CSMD1: variants seen among roughly 807,000 people sequenced by gnomAD.
CSMD1 encodes the protein CUB and Sushi multiple domains 1, also known as CUB and sushi domain-containing protein 1.
Under a neutral mutation model 417.5 loss-of-function variants are expected in CSMD1, and 213 were observed. The ratio of observed to expected loss-of-function variants is 0.51; its 90% CI spans 0.46 to 0.57. CSMD1 has a LOEUF of 0.57. Ranked by LOEUF, CSMD1 falls within the 20% of genes least tolerant of loss-of-function variation. CSMD1 has a pLI of 0.00. For synonymous variants in CSMD1, 2,862 were observed against 1,736.8 expected, an observed-to-expected ratio of 1.65 and a Z score of -16.11; for missense variants, 6,923 against 4,529.7, an observed-to-expected ratio of 1.53 and a Z score of -15.17.
At chr8:3,473,600 G>A (rs554058924) in intron 11 of CSMD1, among the ~76,000 whole-genome samples, 26 of 152,072 alleles carry the variant, frequency 1.7e-4, no homozygotes, top group Non-Finnish European at 3.4e-4. Flanking sequence ...GTTTGAAACA[G>A]GATTTTCAAA....
At chr8:4,223,459 C>A (rs1427169680) in intron 3 of CSMD1, among the ~76,000 whole-genome samples, 1 of 152,230 alleles carries the variant, frequency 6.6e-6, no homozygotes, top group Admixed American at 6.5e-5. Flanking sequence ...CTGGCCCAGA[C>A]CATGCCATGG....
intron 1 of CSMD1, among the ~76,000 whole-genome samples, chr8:4,876,229 G>C (rs575415241): frequency 5.6e-4 from 85 of 152,126 alleles, no homozygotes; most frequent in African/African-American, 1.7e-3. Flanking sequence ...CAGTCTTTCA[G>C]TAATCTGCTA....
chr8:4,164,494 C>A (rs58126187), intron 3 of CSMD1, among the ~76,000 whole-genome samples: 58,501 of 151,378 alleles, frequency 0.39, 11,472 homozygotes, highest in Middle Eastern at 0.5. Context: ...AAACGCAATG[C>A]CAGCTAATCC....
intron 49 of CSMD1, among the ~76,000 whole-genome samples, chr8:3,084,619 AC>A (rs1340258389): frequency 6.6e-6 from 1 of 151,988 alleles, no homozygotes; most frequent in Non-Finnish European, 1.5e-5. Flanking sequence ...GTTGCACACT[AC>A]AAAAATCACA....
At chr8:4,990,345 T>G (rs377231479) in intron 1 of CSMD1, among the ~76,000 whole-genome samples, 21 of 146,550 alleles carry the variant, frequency 1.4e-4, no homozygotes, top group African/African-American at 5.5e-4. Flanking sequence ...TACAGAGATA[T>G]TAACTTCATT....
At chr8:4,925,582 T>G (rs889047367) in intron 1 of CSMD1, among the ~76,000 whole-genome samples, 4 of 151,692 alleles carry the variant, frequency 2.6e-5, no homozygotes, top group African/African-American at 9.7e-5. Flanking sequence ...AGTCTCGCTC[T>G]GTCTCCCAGG....
rs149350474 is a variant in CSMD1, at chr8:4,910,666, G to C, written c.85+83666C>G. The stretch of plus-strand genomic sequence containing the variant: ...GATTAGATTTTAACATATTAATTTT[G>C]AAGGGGGCACAAACATTCAGTCATA... On this transcript the variant is annotated intron_variant, in intron 1 of 69. Coordinates refer to ENST00000635120, the MANE Select transcript of CSMD1 (RefSeq NM_033225.6). Among the ~76,000 whole-genome samples the C allele has an allele frequency of 5.6e-3, 852 of 152,252 alleles. 2 individuals carry two copies. The highest frequency in any genetic ancestry group is 0.014 in the Middle Eastern group (4 of 294).
chr8:3,270,086 G>C (rs975070645), intron 26 of CSMD1, among the ~76,000 whole-genome samples: 4 of 121,474 alleles, frequency 3.3e-5, no homozygotes, highest in African/African-American at 1.3e-4. Context: ...GTCTTGCTCT[G>C]TTGCCCAGGG....
At chr8:3,941,712 T>G (rs1810896331) in intron 5 of CSMD1, among the ~76,000 whole-genome samples, 1 of 152,148 alleles carries the variant, frequency 6.6e-6, no homozygotes, top group Admixed American at 6.6e-5. Flanking sequence ...CAGATGTTAT[T>G]TATTTATTTT....
At chr8:4,808,041 G>T (rs1048832082) in intron 1 of CSMD1, among the ~76,000 whole-genome samples, 5 of 152,158 alleles carry the variant, frequency 3.3e-5, no homozygotes, top group African/African-American at 1.2e-4. Flanking sequence ...TAGCACATCT[G>T]GTTGACTTTT....
At chr8:4,194,757 T>C (rs73658467) in intron 3 of CSMD1, among the ~76,000 whole-genome samples, 4,382 of 152,248 alleles carry the variant, frequency 0.029, 247 homozygotes, top group African/African-American at 0.099. Context: ...TAAACATTTT[T>C]TTTAACACAT....
chr8:2,960,880 G>C (rs957122895), intron 62 of CSMD1, among the ~76,000 whole-genome samples: 1 of 145,666 alleles, frequency 6.9e-6, no homozygotes, highest in East Asian at 2.1e-4. Flanking sequence ...TAATGTAATA[G>C]TTGCTATGTT....
chr8:4,322,007 C>G (rs553246557), intron 3 of CSMD1, among the ~76,000 whole-genome samples: 2 of 151,978 alleles, frequency 1.3e-5, no homozygotes, highest in South Asian at 2.1e-4. Flanking sequence ...AGAAGAAAAT[C>G]AAAAAAGCTA....
intron 3 of CSMD1, among the ~76,000 whole-genome samples, chr8:4,225,171 C>T (rs946009715): frequency 6.6e-5 from 10 of 152,152 alleles, no homozygotes; most frequent in Non-Finnish European, 1.2e-4. Context: ...CTTCATTGTA[C>T]TATTTCAGGA....
chr8:4,740,259 T>G (rs1311160397), intron 1 of CSMD1, among the ~76,000 whole-genome samples: 1 of 152,220 alleles, frequency 6.6e-6, no homozygotes, highest in Non-Finnish European at 1.5e-5. Flanking sequence ...GACATAATAA[T>G]ATTAGTAATA....
At chr8:3,168,845 T>G (rs975650891) in intron 37 of CSMD1, among the ~76,000 whole-genome samples, 2 of 152,098 alleles carry the variant, frequency 1.3e-5, no homozygotes, top group African/African-American at 4.8e-5. Flanking sequence ...CATCCTGCAG[T>G]CTCTTCAAAG....
chr8:4,068,478 C>T (rs941682298), intron 3 of CSMD1, among the ~76,000 whole-genome samples: 1 of 152,156 alleles, frequency 6.6e-6, no homozygotes, highest in African/African-American at 2.4e-5. Context: ...GACACCATAA[C>T]ACATAGCATC....
chr8:3,678,292 A>T (rs1799484247), intron 7 of CSMD1, among the ~76,000 whole-genome samples: 1 of 152,196 alleles, frequency 6.6e-6, no homozygotes, highest in South Asian at 2.1e-4. Flanking sequence ...ACTTTGAAAA[A>T]TGATTAGACG....
intron 1 of CSMD1, among the ~76,000 whole-genome samples, chr8:4,697,150 C>A (rs1807187839): frequency 6.6e-6 from 1 of 151,862 alleles, no homozygotes; most frequent in Admixed American, 6.6e-5. Context: ...ACAGCCTGGG[C>A]AACAGAATGA....
Sources: allele counts gnomAD v4.1 joint callset (sites outside exome capture counted in the v4.1 genomes callset), GRCh38; gene constraint gnomAD v4.1.1; transcripts MANE v1.5; gene names NCBI Gene and HGNC (gene_info 2026-07-23, HGNC 2026-07-21).